The following KPNA5 variants were observed in gnomAD, a reference collection of about 807,000 sequenced individuals.
The protein encoded by KPNA5 is importin subunit alpha-6.
KPNA5 carries 46 observed loss-of-function variants against 71.3 expected under a neutral mutation model. That is an observed-to-expected ratio of 0.65 (90% confidence interval 0.51 to 0.83). The LOEUF is 0.83. Among genes scored for constraint, KPNA5 ranks in the 40% least tolerant of loss-of-function variants. KPNA5 has a pLI of 0.00. For missense variants in KPNA5, 547 were observed against 628.3 expected (o/e 0.87, Z 1.38); for synonymous variants, 207 against 201.4 (o/e 1.03, Z -0.24).
intron 7 of KPNA5, among the ~76,000 whole-genome samples, chr6:116,709,986 C>T (rs917460353): frequency 1.5e-4 from 23 of 152,016 alleles, no homozygotes; most frequent in African/African-American, 5.3e-4. Context: ...GTCTCCATCT[C>T]CTAACCTCGT....
At chr6:116,731,441 T>A (rs1036450697) in intron 13 of KPNA5, among the ~76,000 whole-genome samples, 1 of 152,168 alleles carries the variant, frequency 6.6e-6, no homozygotes, top group African/African-American at 2.4e-5. Flanking sequence ...CTTTGCTGCT[T>A]TTTTTTCTGT....
rs80118399 is a variant in KPNA5, at chr6:116,682,458, A to T, written c.4+1120A>T. ...CCAATAATGATGACTCATATTCTGT[A>T]CAAAAGTGGTTTTCTTGGTAGGTCA... On this transcript the variant is annotated intron_variant, in intron 1 of 13. Transcript: ENST00000368564. Among the ~76,000 whole-genome samples the T allele has an allele frequency of 1.2e-4, 18 of 152,336 alleles. No homozygotes were observed. In the East Asian group the frequency reaches 3.5e-3, roughly 29 times the overall value.
intron 7 of KPNA5, among the ~76,000 whole-genome samples, chr6:116,713,722 C>G (rs1463370414): frequency 6.6e-6 from 1 of 152,028 alleles, no homozygotes; most frequent in Non-Finnish European, 1.5e-5. Flanking sequence ...CATTTCTTGT[C>G]ATTCTTTTTC....
chr6:116,713,436 G>T (rs1482400359), intron 7 of KPNA5, among the ~76,000 whole-genome samples: 3 of 152,082 alleles, frequency 2.0e-5, no homozygotes, highest in Non-Finnish European at 2.9e-5. Context: ...TGATCTTTAT[G>T]AGGAATCTTT....
At chr6:116,697,391 G>A (rs1336597103) in intron 4 of KPNA5, among the ~76,000 whole-genome samples, 1 of 151,978 alleles carries the variant, frequency 6.6e-6, no homozygotes, top group Non-Finnish European at 1.5e-5. Flanking sequence ...TCTAAATTTT[G>A]TCCAAGTTAG....
intron 4 of KPNA5, among the ~76,000 whole-genome samples, chr6:116,695,895 AC>A (rs1368173245): frequency 2.6e-5 from 4 of 152,144 alleles, no homozygotes; most frequent in Non-Finnish European, 5.9e-5. Context: ...AGAGTTTGCC[AC>A]CAGTGTTTTT....
intron 1 of KPNA5, among the ~76,000 whole-genome samples, chr6:116,687,214 G>A (rs916237754): frequency 5.3e-5 from 8 of 152,076 alleles, no homozygotes; most frequent in African/African-American, 1.7e-4. Flanking sequence ...TTTTAGCAGC[G>A]TTTTGTAATT....
At chr6:116,702,680 T>G (rs1486069584) in intron 6 of KPNA5, among the ~76,000 whole-genome samples, 2 of 152,102 alleles carry the variant, frequency 1.3e-5, no homozygotes, top group African/African-American at 4.8e-5. Context: ...AAAAAAAGTG[T>G]ATACTGAGAC....
chr6:116,699,913 G>T (rs949731424), intron 5 of KPNA5, among the ~76,000 whole-genome samples: 2 of 152,180 alleles, frequency 1.3e-5, no homozygotes, highest in Non-Finnish European at 2.9e-5. Flanking sequence ...GTCCTGTCTA[G>T]AGAAATTCCT....
intron 13 of KPNA5, among the ~76,000 whole-genome samples, chr6:116,730,671 T>A (rs1779449332): frequency 6.6e-6 from 1 of 152,198 alleles, no homozygotes. Context: ...TGTATGAATC[T>A]ATTCTACAAC....
At chr6:116,702,846 A>C (rs1394605441) in intron 6 of KPNA5, among the ~76,000 whole-genome samples, 1 of 152,210 alleles carries the variant, frequency 6.6e-6, no homozygotes. Flanking sequence ...TTTTTTAATA[A>C]ACTTAATGAA....
intron 12 of KPNA5, among the ~76,000 whole-genome samples, chr6:116,728,908 A>G (rs1562456479): frequency 6.6e-6 from 1 of 152,114 alleles, no homozygotes; most frequent in Non-Finnish European, 1.5e-5. Flanking sequence ...CATTTACATT[A>G]TAGAGTACAG....
intron 12 of KPNA5, among the ~76,000 whole-genome samples, chr6:116,728,572 T>G (rs1174431398): frequency 6.6e-6 from 1 of 152,196 alleles, no homozygotes; most frequent in Non-Finnish European, 1.5e-5. Context: ...GAGGCAGTTA[T>G]TCATTCAACA....
Position 116,681,241 on chromosome 6 carries a change from T to G in KPNA5, c.-94T>G, listed in dbSNP as rs1777339565. The G allele has an allele frequency of 1.3e-5, 20 of 1,560,020 alleles. No individual in the cohort carries two copies. The highest frequency in any genetic ancestry group is 2.6e-6 in the Non-Finnish European group (3 of 1,139,434). ...GGATTGCGAACTGGGTCGCTACGCT[T>G]CACGCCAGGGGCGGAGTGGCGGCCC... On this transcript the variant is annotated 5_prime_UTR_variant, in exon 1 of 14. Transcript: ENST00000368564.
At chr6:116,692,231 C>A in intron 3 of KPNA5, 62 bp from the exon 4 acceptor site, 1 of 1,411,308 alleles carries the variant, frequency 7.1e-7, no homozygotes. Flanking sequence ...AATATTTATG[C>A]ATGCAAAATT....
chr6:116,720,820 AAAAAC>A (rs1441366850), intron 8 of KPNA5, among the ~76,000 whole-genome samples: 1 of 152,208 alleles, frequency 6.6e-6, no homozygotes, highest in African/African-American at 2.4e-5. Context: ...ACCCTGTCTC[AAAAAC>A]AAAACAAAAC....
At chr6:116,690,425 C>G (rs985270360) in intron 2 of KPNA5, among the ~76,000 whole-genome samples, 1 of 151,846 alleles carries the variant, frequency 6.6e-6, no homozygotes, top group Non-Finnish European at 1.5e-5. Context: ...GAGGCTGAGG[C>G]GGGCGGATCA....
chr6:116,729,709 A>G lies in KPNA5; in HGVS notation c.1400A>G (p.Asn467Ser), dbSNP rs1266620166. 6.3e-7 allele frequency: 1 copy of G among 1,599,200 alleles called. No homozygotes were observed. The highest frequency in any genetic ancestry group is 1.1e-5 in the South Asian group (1 of 88,298). The part of the protein sequence containing the change: ...QESKQNGIGI[N>S]PYCALIEEAY... ...TCTAAGCAGAATGGAATAGGCATTA[A>G]TCCATACTGTGCTCTCATTGAAGAA... is the stretch of plus-strand genomic sequence containing the variant. Residue 467 changes from asparagine (N) to serine (S), a missense_variant, in exon 13 of 14, where the codon AAT (asparagine) becomes AGT (serine). Physicochemically the swap from Asn to Ser is conservative, Grantham distance 46. Transcript: ENST00000368564.
intron 1 of KPNA5, among the ~76,000 whole-genome samples, chr6:116,683,381 C>T (rs1001703455): frequency 2.0e-5 from 3 of 152,042 alleles, no homozygotes; most frequent in Non-Finnish European, 4.4e-5. Flanking sequence ...AGTTTTATTT[C>T]CATGAGCATT....
Sources: gnomAD v4.1 joint callset for allele counts (sites outside exome capture counted in the v4.1 genomes callset) on GRCh38, gnomAD v4.1.1 for gene constraint, MANE v1.5 for transcripts, NCBI Gene and HGNC (gene_info 2026-07-23, HGNC 2026-07-21) for gene names.